Variants in UGT1A3 observed in about 807,000 individuals in gnomAD.
UGT1A3 encodes UDP-glucuronosyltransferase 1A3.
A neutral mutation model predicts 41.0 loss-of-function variants in UGT1A3; 31 were observed. The observed-to-expected ratio is 0.76, with a 90% CI of 0.57 to 1.02. The LOEUF is 1.02. Among genes scored for constraint, UGT1A3 ranks in the 50% least tolerant of loss-of-function variants. The probability of loss-of-function intolerance (pLI) is 0.00; values close to 1 mark genes in which losing one functional copy is unlikely to be tolerated. For synonymous variants in UGT1A3, 262 were observed against 257.6 expected, an observed-to-expected ratio of 1.02 and a Z score of -0.17; for missense variants, 737 against 671.0, an observed-to-expected ratio of 1.10 and a Z score of -1.09.
chr2:233,760,042 T>C (rs1697309671), intron 1 of UGT1A3, among the ~76,000 whole-genome samples: 1 of 152,232 alleles, frequency 6.6e-6, no homozygotes, highest in African/African-American at 2.4e-5. Context: ...TACTTTGCTG[T>C]GTTCACTCAA....
At chr2:233,753,617 T>A (rs7608038) in intron 1 of UGT1A3, 1 of 152,200 alleles carries the variant, frequency 6.6e-6, no homozygotes, top group African/African-American at 2.4e-5. Flanking sequence ...AGGTCTTCAT[T>A]TGGGGCATAA....
chr2:233,740,981 G>T (rs1424238424), intron 1 of UGT1A3: 1 of 151,674 alleles, frequency 6.6e-6, no homozygotes, highest in African/African-American at 2.4e-5. Flanking sequence ...TAGCTACTGG[G>T]AATGCTGAGG....
At chr2:233,760,872 G>A in intron 1 of UGT1A3, 1 of 1,614,112 alleles carries the variant, frequency 6.2e-7, no homozygotes, top group Non-Finnish European at 8.5e-7. Flanking sequence ...ACGTGCCCAG[G>A]CCTCTCTCCT....
At chr2:233,760,143 G>C (rs2125979116) in intron 1 of UGT1A3, 1 of 1,431,624 alleles carries the variant, frequency 7.0e-7, no homozygotes, top group Non-Finnish European at 9.3e-7. Flanking sequence ...ATCTCTGAAA[G>C]TGAACTCCCT....
chr2:233,751,022 C>T (rs902181349), intron 1 of UGT1A3, among the ~76,000 whole-genome samples: 2 of 151,802 alleles, frequency 1.3e-5, no homozygotes, highest in Non-Finnish European at 2.9e-5. Flanking sequence ...ATAGTAGATC[C>T]AATAGCTTGC....
intron 4 of UGT1A3, among the ~76,000 whole-genome samples, chr2:233,768,835 C>T (rs968956061): frequency 7.9e-5 from 12 of 152,116 alleles, no homozygotes; most frequent in African/African-American, 2.6e-4. Flanking sequence ...CCACCTGCCT[C>T]GGCCTGCCAA....
intron 1 of UGT1A3, chr2:233,747,457 T>A: frequency 6.2e-7 from 1 of 1,608,932 alleles, no homozygotes; most frequent in South Asian, 1.1e-5. Flanking sequence ...ACCTATGCCA[T>A]TTCATGGACC....
intron 1 of UGT1A3, among the ~76,000 whole-genome samples, chr2:233,746,651 T>C (rs1051352282): frequency 6.6e-6 from 1 of 151,816 alleles, no homozygotes; most frequent in African/African-American, 2.4e-5. Context: ...CTTGGCTTTC[T>C]GTCCCGAGTT....
chr2:233,757,314 T>A (rs1406248640), intron 1 of UGT1A3, among the ~76,000 whole-genome samples: 1 of 20,476 alleles, frequency 4.9e-5, no homozygotes, highest in Non-Finnish European at 9.0e-5. Flanking sequence ...ACAGGGGGGC[T>A]GGGGCCCTGA....
At chr2:233,770,243 A>G (rs1307269506) in intron 4 of UGT1A3, 1 of 152,248 alleles carries the variant, frequency 6.6e-6, no homozygotes, top group African/African-American at 2.4e-5. Context: ...CCATGATTCC[A>G]ACACTCTGAG....
intron 1 of UGT1A3, chr2:233,760,695 C>T: frequency 1.9e-6 from 3 of 1,614,208 alleles, no homozygotes; most frequent in Non-Finnish European, 2.5e-6. Context: ...ACAAGGAGCT[C>T]ATGGCCTCCC....
At chr2:233,747,630 C>G in intron 1 of UGT1A3, 1 of 1,577,990 alleles carries the variant, frequency 6.3e-7, no homozygotes, top group Non-Finnish European at 8.7e-7. Flanking sequence ...CCTGATCAGG[C>G]ACCTGAATGC....
chr2:233,742,226 C>T (rs1013770254), intron 1 of UGT1A3, among the ~76,000 whole-genome samples: 6 of 151,818 alleles, frequency 4.0e-5, no homozygotes, highest in Admixed American at 6.5e-5. Flanking sequence ...GGCTGAGAGC[C>T]CCAAACAGAG....
chr2:233,757,311 G>T (rs1320628354), intron 1 of UGT1A3, among the ~76,000 whole-genome samples: 1 of 149,170 alleles, frequency 6.7e-6, no homozygotes, highest in Non-Finnish European at 1.5e-5. Context: ...GGGACAGGGG[G>T]GCTGGGGCCC....
At chr2:233,743,465 C>G in intron 1 of UGT1A3, 1 of 1,366,596 alleles carries the variant, frequency 7.3e-7, no homozygotes, top group Non-Finnish European at 9.8e-7. Flanking sequence ...AAAACACCCC[C>G]AAAAGCTGGA....
chr2:233,756,383 G>C (rs1251159335), intron 1 of UGT1A3: 1 of 151,718 alleles, frequency 6.6e-6, no homozygotes, highest in Non-Finnish European at 1.5e-5. Flanking sequence ...GTAAATAGTT[G>C]TTTTACAGTA....
intron 1 of UGT1A3, chr2:233,752,367 A>G (rs1694954220): frequency 1.3e-5 from 2 of 152,220 alleles, no homozygotes; most frequent in Admixed American, 1.3e-4. Context: ...AGGGGTCTCA[A>G]GAGGGTCATC....
chr2:233,735,677 C>A (rs1321375160), intron 1 of UGT1A3, among the ~76,000 whole-genome samples: 1 of 152,088 alleles, frequency 6.6e-6, no homozygotes. Context: ...TTAGTGCTTC[C>A]TTTAGGAGCT....
At chr2:233,760,547 A>T (rs533766461) in intron 1 of UGT1A3, 1 of 1,614,192 alleles carries the variant, frequency 6.2e-7, no homozygotes, top group African/African-American at 1.3e-5. Context: ...CAAAGGGAGG[A>T]TGTGAAAGAG....
Sources: gnomAD v4.1 joint callset for allele counts (sites outside exome capture counted in the v4.1 genomes callset) on GRCh38, gnomAD v4.1.1 for gene constraint, MANE v1.5 for transcripts, NCBI Gene and HGNC (gene_info 2026-07-23, HGNC 2026-07-21) for gene names.